PELI2: variants seen among roughly 807,000 people sequenced by gnomAD.
PELI2 encodes the protein E3 ubiquitin-protein ligase pellino homolog 2.
PELI2 carries 23 observed loss-of-function variants against 42.3 expected under a neutral mutation model. The observed-to-expected ratio is 0.54, with a 90% confidence interval of 0.39 to 0.77. PELI2 has a LOEUF of 0.77. Ranked by LOEUF, PELI2 falls within the 30% of genes least tolerant of loss-of-function variation. PELI2 has a pLI of 0.00. For synonymous variants in PELI2, 245 were observed against 212.2 expected, an observed-to-expected ratio of 1.15 and a Z score of -1.34; for missense variants, 463 against 553.2, an observed-to-expected ratio of 0.84 and a Z score of 1.64.
intron 5 of PELI2, among the ~76,000 whole-genome samples, chr14:56,295,615 A>G (rs1271119276): frequency 1.3e-5 from 2 of 152,258 alleles, no homozygotes; most frequent in South Asian, 2.1e-4. Flanking sequence ...CGTACCAGAC[A>G]GTGTTCTCTA....
In PELI2 at chr14:56,118,751, TC is replaced by T; in HGVS notation, c.77+17del. The T allele has an allele frequency of 6.8e-7, 1 of 1,471,974 alleles. No individual in the cohort carries two copies. Among genetic ancestry groups the T allele is most frequent in the Admixed American group, 2.2e-5 (1 of 45,200 alleles). 91.2% of individuals were successfully genotyped at this position (1,471,974 alleles called of 1,614,324 possible). On this transcript the variant is annotated intron_variant, in intron 1 of 5. Coordinates refer to ENST00000267460, the MANE Select transcript of PELI2 (RefSeq NM_021255.3). Reference sequence around the variant, plus strand: ...GGTGGTGCTCGGGTGAGTCCTGGGGTCCCTGGTCCCGGGCAGCGGCGCGGGC... The same window carrying T: ...GGTGGTGCTCGGGTGAGTCCTGGGGTCCTGGTCCCGGGCAGCGGCGCGGGC...
At chr14:56,162,307 G>A (rs776393579) in intron 1 of PELI2, among the ~76,000 whole-genome samples, 32 of 151,442 alleles carry the variant, frequency 2.1e-4, no homozygotes, top group Non-Finnish European at 3.5e-4. Context: ...TACTCTCTAT[G>A]TCCGTGAGTT....
chr14:56,284,860 C>G (rs1225971216), intron 3 of PELI2, among the ~76,000 whole-genome samples: 1 of 152,084 alleles, frequency 6.6e-6, no homozygotes, highest in Non-Finnish European at 1.5e-5. Flanking sequence ...AGAAGGCAGA[C>G]CACAAATAAA....
At chr14:56,187,215 C>T (rs564533453) in intron 2 of PELI2, among the ~76,000 whole-genome samples, 6 of 152,150 alleles carry the variant, frequency 3.9e-5, no homozygotes, top group East Asian at 1.9e-4. Context: ...CATTTTTCCA[C>T]GTTTCTATAC....
At chr14:56,189,953 T>C (rs895082540) in intron 2 of PELI2, among the ~76,000 whole-genome samples, 2 of 152,258 alleles carry the variant, frequency 1.3e-5, no homozygotes, top group Admixed American at 1.3e-4. Context: ...TTACAACATT[T>C]TGATAAGGCA....
intron 1 of PELI2, among the ~76,000 whole-genome samples, chr14:56,148,909 C>G (rs1450532089): frequency 2.0e-5 from 3 of 152,102 alleles, no homozygotes; most frequent in African/African-American, 7.2e-5. Context: ...ATGGGAGCAG[C>G]AGATACTTGT....
At chr14:56,258,676 T>C (rs1018091708) in intron 2 of PELI2, among the ~76,000 whole-genome samples, 6 of 151,464 alleles carry the variant, frequency 4.0e-5, no homozygotes, top group East Asian at 3.9e-4. Context: ...AGTTCCAATA[T>C]GGGGCAAGAG....
chr14:56,218,322 C>G (rs901007379), intron 2 of PELI2, among the ~76,000 whole-genome samples: 1 of 152,220 alleles, frequency 6.6e-6, no homozygotes, highest in Non-Finnish European at 1.5e-5. Flanking sequence ...GCAGACTAGT[C>G]TAGTGTTCAA....
At chr14:56,196,434 G>A (rs1370590614) in intron 2 of PELI2, among the ~76,000 whole-genome samples, 1 of 152,146 alleles carries the variant, frequency 6.6e-6, no homozygotes, top group East Asian at 1.9e-4. Flanking sequence ...ACTATTTCTA[G>A]GTTGGTAATC....
At chr14:56,183,625 T>C (rs914700991) in intron 2 of PELI2, among the ~76,000 whole-genome samples, 2 of 152,188 alleles carry the variant, frequency 1.3e-5, no homozygotes, top group Non-Finnish European at 2.9e-5. Context: ...GGAGAACTTA[T>C]AAATCAGGAA....
intron 2 of PELI2, among the ~76,000 whole-genome samples, chr14:56,260,368 ACAC>A: frequency 6.6e-6 from 1 of 152,336 alleles, no homozygotes; most frequent in African/African-American, 2.4e-5. Flanking sequence ...TTTGGTAAAG[ACAC>A]TGAGTATGTA....
At chr14:56,249,369 T>C (rs1403647728) in intron 2 of PELI2, among the ~76,000 whole-genome samples, 5 of 152,142 alleles carry the variant, frequency 3.3e-5, no homozygotes, top group Non-Finnish European at 7.4e-5. Context: ...TGTTGGTTAT[T>C]CTTATTTACA....
At chr14:56,286,225 T>A (rs753162044) in intron 3 of PELI2, among the ~76,000 whole-genome samples, 8 of 152,180 alleles carry the variant, frequency 5.3e-5, no homozygotes, top group Non-Finnish European at 8.8e-5. Flanking sequence ...AGCAAAATCC[T>A]TGGGAAAGGG....
At chr14:56,207,091 C>A (rs889308967) in intron 2 of PELI2, among the ~76,000 whole-genome samples, 2 of 152,148 alleles carry the variant, frequency 1.3e-5, no homozygotes, top group African/African-American at 4.8e-5. Flanking sequence ...GCAGAGTGAA[C>A]ATACGACTTT....
chr14:56,204,135 G>A (rs1886434191), intron 2 of PELI2, among the ~76,000 whole-genome samples: 3 of 152,158 alleles, frequency 2.0e-5, no homozygotes, highest in African/African-American at 7.2e-5. Context: ...TGATGGGAAC[G>A]AATATCCATT....
At chr14:56,242,891 T>C (rs934141764) in intron 2 of PELI2, among the ~76,000 whole-genome samples, 1 of 152,174 alleles carries the variant, frequency 6.6e-6, no homozygotes, top group Non-Finnish European at 1.5e-5. Flanking sequence ...AGACTACACA[T>C]TGGGTACAGT....
chr14:56,140,112 C>G (rs1678976), intron 1 of PELI2, among the ~76,000 whole-genome samples: 89,243 of 150,364 alleles, frequency 0.59, 27,291 homozygotes, highest in African/African-American at 0.75. Context: ...GCTAAATCAC[C>G]CGTCATGCCT....
In PELI2 at chr14:56,127,822, A is replaced by C. The variant is rs146097179; in HGVS notation, c.77+9085A>C. ...TTCATTTCTAATGAGAGGGACTAAA[A>C]GATGTGAAATCAAAACTTTTGCATT... On this transcript the variant is annotated intron_variant, in intron 1 of 5. Coordinates refer to ENST00000267460, the MANE Select transcript of PELI2 (RefSeq NM_021255.3). 6.4e-3 allele frequency among the ~76,000 whole-genome samples: 980 copies of C among 152,338 alleles called. 12 individuals carry two copies. Among genetic ancestry groups the C allele is most frequent in the African/African-American group, 0.023 (941 of 41,578 alleles).
chr14:56,221,427 A>G (rs192620281), intron 2 of PELI2, among the ~76,000 whole-genome samples: 1 of 152,108 alleles, frequency 6.6e-6, no homozygotes. Context: ...TGGTTTTCCA[A>G]CCCCCTGTAC....
Sources: allele counts gnomAD v4.1 joint callset (sites outside exome capture counted in the v4.1 genomes callset), GRCh38; gene constraint gnomAD v4.1.1; transcripts MANE v1.5; gene names NCBI Gene and HGNC (gene_info 2026-07-23, HGNC 2026-07-21).